Variants in DOCK3 observed in about 807,000 individuals in gnomAD.
DOCK3 encodes the protein dedicator of cytokinesis 3.
Under a neutral mutation model 265.6 loss-of-function variants are expected in DOCK3, and 60 were observed. The ratio of observed to expected loss-of-function variants is 0.23; its 90% confidence interval spans 0.18 to 0.28. The LOEUF (loss-of-function observed/expected upper bound fraction) is 0.28. Among genes scored for constraint, DOCK3 ranks in the 10% least tolerant of loss-of-function variants. The pLI, the probability that DOCK3 is intolerant of heterozygous loss-of-function variation, is 1.00. For missense variants in DOCK3, 1,981 were observed against 2,594.3 expected, an observed-to-expected ratio of 0.76 and a Z score of 5.14; for synonymous variants, 881 against 938.0, an observed-to-expected ratio of 0.94 and a Z score of 1.11.
chr3:50,802,190 C>G (rs2043108087), intron 2 of DOCK3, among the ~76,000 whole-genome samples: 1 of 152,024 alleles, frequency 6.6e-6, no homozygotes, highest in South Asian at 2.1e-4. Flanking sequence ...CATTTATATT[C>G]AAGATTATTA....
At chr3:51,117,563 A>G (rs746791783) in intron 9 of DOCK3, among the ~76,000 whole-genome samples, 3 of 152,118 alleles carry the variant, frequency 2.0e-5, no homozygotes, top group Non-Finnish European at 4.4e-5. Flanking sequence ...TTATACCTCT[A>G]GTAGAAATCG....
chr3:51,276,296 C>T (rs1378611547), intron 25 of DOCK3: 1 of 918,994 alleles, frequency 1.1e-6, no homozygotes, highest in Non-Finnish European at 1.3e-6. Context: ...GGCAGCTCTT[C>T]TTCCCACCAG....
chr3:50,757,862 G>T (rs2040262969), intron 1 of DOCK3, among the ~76,000 whole-genome samples: 1 of 152,030 alleles, frequency 6.6e-6, no homozygotes, highest in South Asian at 2.1e-4. Flanking sequence ...CTGTTGAATT[G>T]TCTTGGCACC....
chr3:50,786,644 C>A (rs1385127960), intron 2 of DOCK3: 2 of 597,308 alleles, frequency 3.3e-6, no homozygotes, highest in South Asian at 1.6e-5. Context: ...TTAAAGTTGT[C>A]CTTACTCTGG....
intron 5 of DOCK3, among the ~76,000 whole-genome samples, chr3:50,982,158 G>A (rs1357180328): frequency 6.6e-6 from 1 of 151,952 alleles, no homozygotes. Context: ...CTTAGTCTAT[G>A]TTTCTTGCGA....
At chr3:51,145,356 T>A (rs959645522) in intron 9 of DOCK3, among the ~76,000 whole-genome samples, 1 of 152,070 alleles carries the variant, frequency 6.6e-6, no homozygotes, top group African/African-American at 2.4e-5. Flanking sequence ...ATTAGGTATA[T>A]CTCCTAATGC....
intron 4 of DOCK3, among the ~76,000 whole-genome samples, chr3:50,927,137 T>C (rs773874448): frequency 1.4e-4 from 21 of 152,164 alleles, no homozygotes; most frequent in Non-Finnish European, 2.8e-4. Context: ...TATTGTTTCT[T>C]ATGCTTGGGA....
chr3:51,338,892 C>T (rs989714208), intron 36 of DOCK3, 43 bp from the exon 37 acceptor site: 1 of 1,525,942 alleles, frequency 6.6e-7, no homozygotes, highest in African/African-American at 1.4e-5. Context: ...TTGGCTATGG[C>T]TTCCACAGGT....
At chr3:51,248,364 C>T (rs1490423910) in intron 22 of DOCK3, among the ~76,000 whole-genome samples, 1 of 152,212 alleles carries the variant, frequency 6.6e-6, no homozygotes, top group Non-Finnish European at 1.5e-5. Flanking sequence ...GACTGGTTTT[C>T]GTATTTTTTT....
At chr3:51,086,209 T>G (rs1050223403) in intron 7 of DOCK3, among the ~76,000 whole-genome samples, 2 of 152,244 alleles carry the variant, frequency 1.3e-5, no homozygotes, top group African/African-American at 4.8e-5. Flanking sequence ...TGGCTAGTTA[T>G]CTGCAGCAGG....
At chr3:50,890,162 A>G in intron 4 of DOCK3, 81 bp downstream of exon 4, 1 of 1,133,582 alleles carries the variant, frequency 8.8e-7, no homozygotes, top group Non-Finnish European at 1.2e-6. Context: ...GGTTCATAGT[A>G]TAAAATATAC....
At chr3:51,112,976 G>T (rs1485117417) in intron 9 of DOCK3, among the ~76,000 whole-genome samples, 7 of 151,618 alleles carry the variant, frequency 4.6e-5, no homozygotes, top group African/African-American at 1.7e-4. Flanking sequence ...ATACAGTGCT[G>T]ATTTGAAAAA....
At chr3:50,731,914 G>C (rs541436753) in intron 1 of DOCK3, among the ~76,000 whole-genome samples, 7 of 152,164 alleles carry the variant, frequency 4.6e-5, no homozygotes, top group African/African-American at 1.7e-4. Context: ...TGGAATTAAA[G>C]AAGTAAAACT....
At chr3:50,997,007 T>G (rs1462739157) in intron 5 of DOCK3, among the ~76,000 whole-genome samples, 4 of 152,194 alleles carry the variant, frequency 2.6e-5, no homozygotes, top group Non-Finnish European at 5.9e-5. Context: ...TCCCCAGCAG[T>G]CCTATAGAAA....
chr3:51,061,416 C>T (rs1340820061), intron 5 of DOCK3, among the ~76,000 whole-genome samples: 1 of 152,110 alleles, frequency 6.6e-6, no homozygotes, highest in Non-Finnish European at 1.5e-5. Flanking sequence ...TTTGTAGGGA[C>T]ATGGATGAAG....
At chr3:50,763,485 A>G (rs1186641034) in intron 1 of DOCK3, among the ~76,000 whole-genome samples, 3 of 151,962 alleles carry the variant, frequency 2.0e-5, no homozygotes, top group African/African-American at 7.2e-5. Context: ...GTTTTGCCAC[A>G]TTGGCCAGGC....
At chr3:50,844,672 A>G (rs1431424024) in intron 3 of DOCK3, among the ~76,000 whole-genome samples, 1 of 152,206 alleles carries the variant, frequency 6.6e-6, no homozygotes, top group Non-Finnish European at 1.5e-5. Flanking sequence ...CCTTTCTGTT[A>G]TGACTACATA....
At chr3:50,863,011 C>T (rs1197532365) in intron 3 of DOCK3, among the ~76,000 whole-genome samples, 4 of 152,182 alleles carry the variant, frequency 2.6e-5, no homozygotes, top group African/African-American at 4.8e-5. Flanking sequence ...CAGCCATTTC[C>T]GGGTGTTGGT....
chr3:50,865,807 A>G (rs2047113611), intron 3 of DOCK3, among the ~76,000 whole-genome samples: 1 of 152,138 alleles, frequency 6.6e-6, no homozygotes, highest in South Asian at 2.1e-4. Context: ...CATCCTCATC[A>G]GCATTTGTTA....
Sources: allele counts gnomAD v4.1 joint callset (sites outside exome capture counted in the v4.1 genomes callset), GRCh38; gene constraint gnomAD v4.1.1; transcripts MANE v1.5; gene names NCBI Gene and HGNC (gene_info 2026-07-23, HGNC 2026-07-21).